Variants in JMJD1C observed in about 807,000 individuals in gnomAD.
JMJD1C encodes jumonji domain containing 1C.
A neutral mutation model predicts 245.3 loss-of-function variants in JMJD1C; 31 were observed. The ratio of observed to expected loss-of-function variants is 0.13; its 90% CI spans 0.09 to 0.17. The LOEUF is 0.17. Ranked by LOEUF, JMJD1C falls within the 10% of genes least tolerant of loss-of-function variation. The probability of loss-of-function intolerance (pLI) is 1.00; values close to 1 mark genes in which losing one functional copy is unlikely to be tolerated. For missense variants in JMJD1C, 2,691 were observed against 3,000.2 expected (o/e 0.90, Z 2.41); for synonymous variants, 1,057 against 1,017.4 (o/e 1.04, Z -0.74).
chr10:63,361,719 T>TAAA lies in JMJD1C; in HGVS notation c.333+18596_333+18598dup, dbSNP rs55879769. On this transcript the variant is annotated intron_variant, in intron 2 of 25. Coordinates refer to ENST00000399262, the MANE Select transcript of JMJD1C (RefSeq NM_032776.3). ...GGCAACAGAACAATACTGTCTCAACTAAAAAAAAAAAAAAAAAAAAAAAAA... is the reference window on the plus strand; with the variant it reads ...GGCAACAGAACAATACTGTCTCAACTAAAAAAAAAAAAAAAAAAAAAAAAAAAA... Among the ~76,000 whole-genome samples, 113 of 95,520 alleles carry TAAA rather than the reference T, an allele frequency of 1.2e-3. 2 individuals carry two copies. The highest frequency in any genetic ancestry group is 3.4e-3 in the African/African-American group (77 of 22,612). 62.7% of individuals were successfully genotyped at this position (95,520 alleles called of 152,430 possible). A position where few individuals can be genotyped will look rare whatever the true frequency, so the allele number is the denominator to read the frequency against.
intron 2 of JMJD1C, among the ~76,000 whole-genome samples, chr10:63,350,622 T>C (rs1409958160): frequency 2.0e-5 from 3 of 151,378 alleles, no homozygotes; most frequent in Non-Finnish European, 4.4e-5. Flanking sequence ...CCAACTTTTT[T>C]TTTTTTTTTT....
chr10:63,498,751 T>C (rs1008132659), intron 1 of JMJD1C, among the ~76,000 whole-genome samples: 1 of 152,182 alleles, frequency 6.6e-6, no homozygotes, highest in African/African-American at 2.4e-5. Context: ...TCTACCTTCT[T>C]AACAAATGTT....
At chr10:63,426,932 AAACT>A (rs1375316373) in intron 1 of JMJD1C, among the ~76,000 whole-genome samples, 33 of 152,326 alleles carry the variant, frequency 2.2e-4, no homozygotes, top group East Asian at 5.8e-4. Context: ...ATCAAGTATA[AAACT>A]AACTAATCAG....
chr10:63,335,742 A>C (rs761415875), intron 2 of JMJD1C, among the ~76,000 whole-genome samples: 1 of 151,942 alleles, frequency 6.6e-6, no homozygotes, highest in Admixed American at 6.6e-5. Context: ...AACTCCTGAC[A>C]TCAAGTGATC....
chr10:63,485,179 T>C (rs1003299867), intron 1 of JMJD1C, among the ~76,000 whole-genome samples: 1 of 152,114 alleles, frequency 6.6e-6, no homozygotes, highest in Non-Finnish European at 1.5e-5. Context: ...GCCAGGCATA[T>C]AAGTGCAGAG....
intron 14 of JMJD1C, 196 bp from the exon 15 acceptor site, chr10:63,193,668 T>C (rs1845106576): frequency 2.5e-6 from 1 of 403,936 alleles, no homozygotes; most frequent in Non-Finnish European, 4.3e-6. Context: ...GTTTTTTTTG[T>C]TTTTTTGTTT....
At chr10:63,347,309 T>G (rs1275559277) in intron 2 of JMJD1C, among the ~76,000 whole-genome samples, 1 of 151,534 alleles carries the variant, frequency 6.6e-6, no homozygotes, top group Non-Finnish European at 1.5e-5. Context: ...ACGGGCCGGG[T>G]GTGGTGGCTC....
intron 1 of JMJD1C, among the ~76,000 whole-genome samples, chr10:63,512,816 T>C (rs1954910697): frequency 6.6e-6 from 1 of 152,202 alleles, no homozygotes; most frequent in South Asian, 2.1e-4. Flanking sequence ...GGTATTTCCT[T>C]ATGTATATTT....
chr10:63,263,290 T>C (rs1855030820), intron 3 of JMJD1C, among the ~76,000 whole-genome samples: 1 of 152,192 alleles, frequency 6.6e-6, no homozygotes, highest in Non-Finnish European at 1.5e-5. Flanking sequence ...AGCACATCTA[T>C]ATAGACTTCA....
chr10:63,337,692 T>C (rs1320020394), intron 2 of JMJD1C, among the ~76,000 whole-genome samples: 2 of 152,074 alleles, frequency 1.3e-5, no homozygotes, highest in African/African-American at 4.8e-5. Context: ...GTCCTGTTCC[T>C]TGGGGAAGCC....
At chr10:63,398,464 T>C (rs1948641826) in intron 1 of JMJD1C, among the ~76,000 whole-genome samples, 1 of 152,144 alleles carries the variant, frequency 6.6e-6, no homozygotes, top group South Asian at 2.1e-4. Context: ...AGGTTGATAA[T>C]TAGAAAAGAC....
At chr10:63,246,736 C>G (rs953033468) in intron 3 of JMJD1C, among the ~76,000 whole-genome samples, 1 of 152,038 alleles carries the variant, frequency 6.6e-6, no homozygotes, top group Admixed American at 6.5e-5. Context: ...GAAAATCATA[C>G]GGCAAACTGT....
At chr10:63,337,231 T>C (rs1478706061) in intron 2 of JMJD1C, among the ~76,000 whole-genome samples, 1 of 150,568 alleles carries the variant, frequency 6.6e-6, no homozygotes, top group East Asian at 2.0e-4. Context: ...CCACTGAGAC[T>C]GGGCACTTGA....
At chr10:63,454,518 G>T (rs1292742222) in intron 1 of JMJD1C, among the ~76,000 whole-genome samples, 1 of 151,768 alleles carries the variant, frequency 6.6e-6, no homozygotes, top group Admixed American at 6.6e-5. Flanking sequence ...CCACCTCCTG[G>T]TTTCAAGCAA....
At chr10:63,431,988 G>T (rs1424980350) in intron 1 of JMJD1C, among the ~76,000 whole-genome samples, 1 of 152,210 alleles carries the variant, frequency 6.6e-6, no homozygotes, top group Non-Finnish European at 1.5e-5. Context: ...CTCCAGCCTG[G>T]CGACAGAGCA....
chr10:63,173,067 G>A (rs368891210), intron 24 of JMJD1C, among the ~76,000 whole-genome samples: 2 of 151,850 alleles, frequency 1.3e-5, no homozygotes, highest in South Asian at 2.1e-4. Flanking sequence ...ATTGCATCTG[G>A]AAAAAAGGAA....
intron 1 of JMJD1C, among the ~76,000 whole-genome samples, chr10:63,460,375 T>G (rs926984803): frequency 2.6e-5 from 4 of 151,906 alleles, no homozygotes; most frequent in Non-Finnish European, 5.9e-5. Context: ...TAAAAATTAG[T>G]TGGGTATAGT....
intron 3 of JMJD1C, among the ~76,000 whole-genome samples, chr10:63,263,646 T>A (rs1444053857): frequency 6.6e-6 from 1 of 152,060 alleles, no homozygotes; most frequent in Non-Finnish European, 1.5e-5. Flanking sequence ...AATATACAAA[T>A]GAAGGCCAGG....
chr10:63,453,473 A>G (rs1293523839), intron 1 of JMJD1C, among the ~76,000 whole-genome samples: 5 of 152,240 alleles, frequency 3.3e-5, no homozygotes, highest in Admixed American at 6.5e-5. Context: ...TATATGGAAT[A>G]TAACAGATAG....
Sources: gnomAD v4.1 joint callset for allele counts (sites outside exome capture counted in the v4.1 genomes callset) on GRCh38, gnomAD v4.1.1 for gene constraint, MANE v1.5 for transcripts, NCBI Gene and HGNC (gene_info 2026-07-23, HGNC 2026-07-21) for gene names.